C4orf51: variants seen among roughly 807,000 people sequenced by gnomAD.
The protein encoded by C4orf51 is chromosome 4 open reading frame 51, also known as uncharacterized protein C4orf51.
A neutral mutation model predicts 25.2 loss-of-function variants in C4orf51; 25 were observed. That is an observed-to-expected ratio of 0.99 (90% CI 0.72 to 1.39). The LOEUF (loss-of-function observed/expected upper bound fraction) is 1.39. C4orf51 is among the 40% of genes most tolerant of loss of function. The pLI is 0.00. For synonymous variants in C4orf51, 100 were observed against 84.5 expected (o/e 1.18, Z -1.01); for missense variants, 252 against 239.6 (o/e 1.05, Z -0.34).
the C4orf51 span, among the ~76,000 whole-genome samples, chr4:145,779,011 C>T: frequency 6.6e-6 from 1 of 152,194 alleles, no homozygotes. Context: ...GGTGCCTTTT[C>T]CCTGGCTGCT....
intron 2 of C4orf51, among the ~76,000 whole-genome samples, chr4:145,711,787 G>A (rs943736516): frequency 2.6e-5 from 4 of 152,006 alleles, no homozygotes; most frequent in Admixed American, 1.3e-4. Context: ...GCTTGCTTAA[G>A]GTACAGAAAC....
At chr4:145,716,186 CT>C (rs1731402105) in intron 2 of C4orf51, among the ~76,000 whole-genome samples, 1 of 151,582 alleles carries the variant, frequency 6.6e-6, no homozygotes. Context: ...ATTTTTTTTT[CT>C]TTATCCAAAG....
At chr4:145,775,751 T>G, downstream of C4orf51, 1 of 1,611,442 alleles carries the variant, frequency 6.2e-7, no homozygotes, top group Non-Finnish European at 8.5e-7. Flanking sequence ...GTCAAGAGTC[T>G]GAGAAAGGCG....
chr4:145,760,872 AG>A, intron 1 of C4orf51: 1 of 1,223,958 alleles, frequency 8.2e-7, no homozygotes, highest in South Asian at 1.4e-5. Flanking sequence ...GAGGTCGGGG[AG>A]GGTGGAATGT....
chr4:145,695,617 T>C (rs148336894), intron 1 of C4orf51, among the ~76,000 whole-genome samples: 1 of 152,326 alleles, frequency 6.6e-6, no homozygotes, highest in African/African-American at 2.4e-5. Context: ...AGATCCCCTT[T>C]GTCAACTTTG....
intron 1 of C4orf51, among the ~76,000 whole-genome samples, chr4:145,740,546 A>G (rs1050748747): frequency 1.4e-4 from 21 of 152,220 alleles, no homozygotes; most frequent in African/African-American, 4.8e-4. Context: ...GATTCTGAAT[A>G]ATAACCACCC....
At chr4:145,774,366 A>G, downstream of C4orf51, 3 of 917,820 alleles carry the variant, frequency 3.3e-6, no homozygotes, top group South Asian at 3.5e-5. Context: ...TGTGGCTTTC[A>G]TGCCTTGGGA....
downstream of C4orf51, among the ~76,000 whole-genome samples, chr4:145,735,035 C>T (rs1732728019): frequency 6.6e-6 from 1 of 152,196 alleles, no homozygotes; most frequent in Admixed American, 6.5e-5. Context: ...GCTTGATGCA[C>T]TTGGGCGAGG....
intron 1 of C4orf51, among the ~76,000 whole-genome samples, chr4:145,692,207 C>T (rs1264375396): frequency 1.3e-5 from 2 of 152,130 alleles, no homozygotes; most frequent in South Asian, 2.1e-4. Flanking sequence ...GAAGAGTCAA[C>T]AGTAGTGTGG....
chr4:145,786,385 C>T, the C4orf51 span, among the ~76,000 whole-genome samples: 5 of 152,138 alleles, frequency 3.3e-5, no homozygotes, highest in Non-Finnish European at 5.9e-5. Flanking sequence ...AAAAGATTGG[C>T]CAAAATATGA....
chr4:145,691,759 G>A (rs552886344), intron 1 of C4orf51, among the ~76,000 whole-genome samples: 5 of 143,950 alleles, frequency 3.5e-5, no homozygotes, highest in African/African-American at 1.3e-4. Flanking sequence ...AAATGGAACA[G>A]TAGACACTGA....
chr4:145,765,457 T>C lies in C4orf51; in HGVS notation n.167-5531T>C. On this transcript the variant is annotated intron_variant and non_coding_transcript_variant, in intron 1 of 1. Coordinates refer to the C4orf51 transcript ENST00000510096. This position sits in a 1 kb window ranked among gnomAD's most constrained non-coding sequence, Gnocchi z 4.7. ...TGCATCCTGGGCCTATTATCAGTTT[T>C]TGACATCGCTCCTGTGCAGGGCTTA... The C allele has an allele frequency of 1.4e-6, 2 of 1,455,490 alleles. No homozygotes were observed. Among genetic ancestry groups the C allele is most frequent in the Non-Finnish European group, 1.8e-6 (2 of 1,085,484 alleles). The allele number at this position is 1,455,490 out of a possible 1,614,324, so 90.2% of individuals were successfully genotyped here. A position where few individuals can be genotyped will look rare whatever the true frequency, so the allele number is the denominator to read the frequency against.
downstream of C4orf51, among the ~76,000 whole-genome samples, chr4:145,736,872 G>A (rs1258798506): frequency 2.6e-5 from 4 of 152,252 alleles, no homozygotes; most frequent in South Asian, 4.1e-4. Context: ...CTCAATAGGC[G>A]CCTTTGGGGA....
the C4orf51 span, among the ~76,000 whole-genome samples, chr4:145,784,828 T>A: frequency 6.6e-6 from 1 of 152,218 alleles, no homozygotes; most frequent in South Asian, 2.1e-4. Flanking sequence ...CATTTCTTTT[T>A]GAAATACTTG....
At chr4:145,736,079 A>G (rs1253184284), downstream of C4orf51, among the ~76,000 whole-genome samples, 1 of 152,044 alleles carries the variant, frequency 6.6e-6, no homozygotes, top group Non-Finnish European at 1.5e-5. Context: ...TCCCCAAACC[A>G]GCAAAAAGCC....
chr4:145,697,390 G>A (rs1330374311), intron 2 of C4orf51, among the ~76,000 whole-genome samples: 1 of 152,082 alleles, frequency 6.6e-6, no homozygotes, highest in Non-Finnish European at 1.5e-5. Flanking sequence ...AAGCCACCAT[G>A]CCTGGCTCTC....
chr4:145,763,232 GTTTCAT>G lies in C4orf51; in HGVS notation n.167-7752_167-7747del. ...AAAGCAATTTAGACATCAGCAGTCT[GTTTCAT>G]TTTAAGGACATTTCTGTGACCCACA... is the stretch of plus-strand genomic sequence containing the variant. On this transcript the variant is annotated intron_variant and non_coding_transcript_variant, in intron 1 of 1. Transcript: ENST00000510096. The surrounding 1 kb of genome is among the most constrained non-coding windows in gnomAD (Gnocchi z 4.6). 9.0e-7 allele frequency: 1 copy of G among 1,110,734 alleles called. No homozygotes were observed. Among genetic ancestry groups the G allele is most frequent in the Admixed American group, 2.3e-5 (1 of 42,828 alleles). 68.8% of individuals were successfully genotyped at this position (1,110,734 alleles called of 1,614,324 possible).
At chr4:145,773,615 A>G (rs182602656), downstream of C4orf51, among the ~76,000 whole-genome samples, 2 of 152,336 alleles carry the variant, frequency 1.3e-5, no homozygotes, top group Admixed American at 6.5e-5. Flanking sequence ...ATTTGTAACC[A>G]TCACTTGTGA....
intron 1 of C4orf51, among the ~76,000 whole-genome samples, chr4:145,690,900 T>A (rs1218784311): frequency 6.6e-6 from 1 of 152,068 alleles, no homozygotes; most frequent in African/African-American, 2.4e-5. Context: ...CCCAGGAATC[T>A]GAGACCAGCT....
Sources: gnomAD v4.1 joint callset for allele counts (sites outside exome capture counted in the v4.1 genomes callset) on GRCh38, gnomAD v4.1.1 for gene constraint, Gnocchi (gnomAD v3.1) non-coding constraint, MANE v1.5 for transcripts, NCBI Gene and HGNC (gene_info 2026-07-23, HGNC 2026-07-21) for gene names.